The following LDAH variants were observed in gnomAD, a reference collection of about 807,000 sequenced individuals.
The protein encoded by LDAH is lipid droplet-associated hydrolase.
Under a neutral mutation model 29.6 loss-of-function variants are expected in LDAH, and 26 were observed. The observed-to-expected ratio is 0.88, with a 90% confidence interval of 0.64 to 1.22. The LOEUF is 1.22. LDAH is among the 50% of genes most tolerant of loss of function. LDAH has a pLI of 0.00. For missense variants in LDAH, 344 were observed against 387.3 expected, an observed-to-expected ratio of 0.89 and a Z score of 0.94; for synonymous variants, 117 against 133.0, an observed-to-expected ratio of 0.88 and a Z score of 0.83.
At chr2:20,811,548 G>A (rs1672495540) in intron 1 of LDAH, among the ~76,000 whole-genome samples, 1 of 151,394 alleles carries the variant, frequency 6.6e-6, no homozygotes, top group African/African-American at 2.4e-5. Context: ...GCAGTGGCGC[G>A]ATCTCGGCTC....
chr2:20,805,152 A>G (rs1671972408), intron 1 of LDAH, among the ~76,000 whole-genome samples: 1 of 152,202 alleles, frequency 6.6e-6, no homozygotes, highest in Non-Finnish European at 1.5e-5. Context: ...CTTCAAGTAA[A>G]TGACATTGTG....
chr2:20,722,196 T>G (rs1665695694), intron 5 of LDAH, among the ~76,000 whole-genome samples: 1 of 151,894 alleles, frequency 6.6e-6, no homozygotes. Flanking sequence ...GCCAACATGG[T>G]GAAACCGTCT....
At chr2:20,797,278 T>C (rs1330052015) in intron 2 of LDAH, among the ~76,000 whole-genome samples, 1 of 152,232 alleles carries the variant, frequency 6.6e-6, no homozygotes, top group Non-Finnish European at 1.5e-5. Context: ...GAGAAGAGGC[T>C]GGACTAGGCA....
At chr2:20,733,829 G>C (rs1666593676) in intron 5 of LDAH, among the ~76,000 whole-genome samples, 1 of 152,134 alleles carries the variant, frequency 6.6e-6, no homozygotes. Flanking sequence ...GTGAGCTATA[G>C]TTTTATTAAT....
At chr2:20,780,792 C>T (rs574024371) in intron 3 of LDAH, among the ~76,000 whole-genome samples, 4 of 152,234 alleles carry the variant, frequency 2.6e-5, no homozygotes, top group South Asian at 2.1e-4. Context: ...TGGTTTTTTG[C>T]TCTTCTGACC....
chr2:20,817,653 T>C (rs888474935), intron 1 of LDAH, among the ~76,000 whole-genome samples: 5 of 152,118 alleles, frequency 3.3e-5, no homozygotes, highest in Admixed American at 6.6e-5. Flanking sequence ...TTAGCAATTG[T>C]ACTCTTGGGC....
intron 3 of LDAH, chr2:20,789,019 C>A: frequency 9.1e-7 from 1 of 1,095,394 alleles, no homozygotes; most frequent in Non-Finnish European, 1.3e-6. Flanking sequence ...AAGTCCCTCT[C>A]AAACTGGCCC....
At chr2:20,730,274 T>C (rs940135323) in intron 5 of LDAH, among the ~76,000 whole-genome samples, 1 of 152,208 alleles carries the variant, frequency 6.6e-6, no homozygotes, top group Admixed American at 6.5e-5. Flanking sequence ...ACAATAAACA[T>C]TCATATACAG....
chr2:20,700,554 C>T (rs968678903), intron 6 of LDAH, among the ~76,000 whole-genome samples: 6 of 152,028 alleles, frequency 3.9e-5, no homozygotes, highest in East Asian at 1.9e-4. Flanking sequence ...TTGTGGATTG[C>T]TCCTGAGTCC....
chr2:20,700,736 A>G (rs1663869277), intron 6 of LDAH, among the ~76,000 whole-genome samples: 1 of 152,254 alleles, frequency 6.6e-6, no homozygotes, highest in Non-Finnish European at 1.5e-5. Context: ...GGGTGAAATT[A>G]CTTTTAATAA....
intron 3 of LDAH, chr2:20,789,080 T>G: frequency 6.6e-7 from 1 of 1,526,438 alleles, no homozygotes; most frequent in Non-Finnish European, 8.9e-7. Context: ...GTGCTACTCT[T>G]TCTGTCTGTT....
chr2:20,785,014 G>A (rs1670450485), intron 3 of LDAH, among the ~76,000 whole-genome samples: 1 of 152,114 alleles, frequency 6.6e-6, no homozygotes. Context: ...TAACATGATT[G>A]ACATTCATTT....
At chr2:20,683,596 C>T (rs968305128), downstream of LDAH, among the ~76,000 whole-genome samples, 1 of 152,204 alleles carries the variant, frequency 6.6e-6, no homozygotes, top group African/African-American at 2.4e-5. Context: ...TGGGCTGAGG[C>T]CAGAAAGCTG....
intron 1 of LDAH, among the ~76,000 whole-genome samples, chr2:20,819,570 T>C (rs1012377066): frequency 1.3e-5 from 2 of 152,106 alleles, no homozygotes; most frequent in East Asian, 1.9e-4. Flanking sequence ...ATTCAACAGC[T>C]CTTCATGCTA....
intron 3 of LDAH, chr2:20,789,170 A>G: frequency 6.4e-7 from 1 of 1,550,596 alleles, no homozygotes; most frequent in Non-Finnish European, 8.7e-7. Context: ...CTGAATGCTT[A>G]TATGGCCCCC....
Position 20,767,805 on chromosome 2 carries a change from T to TCAGCCAGAG in LDAH, c.468+6996_468+7004dup, listed in dbSNP as rs534327835. 7.0e-4 allele frequency among the ~76,000 whole-genome samples: 106 copies of TCAGCCAGAG among 152,280 alleles called. No individual in the cohort carries two copies. In the East Asian group the frequency reaches 0.018, roughly 26 times the overall value. ...TCTGAGGCCCATAAAAGCCCTGGGC[T>TCAGCCAGAG]CAGCCAGAGCAGAGCAGAGGACAGA... On this transcript the variant is annotated intron_variant, in intron 4 of 6. Transcript: ENST00000237822.
intron 5 of LDAH, among the ~76,000 whole-genome samples, chr2:20,717,065 A>G (rs940188378): frequency 6.6e-6 from 1 of 152,200 alleles, no homozygotes; most frequent in Non-Finnish European, 1.5e-5. Flanking sequence ...AGAAGAAAAG[A>G]CAAACTTGAT....
chr2:20,809,529 C>T (rs1572681468), intron 1 of LDAH, among the ~76,000 whole-genome samples: 1 of 152,204 alleles, frequency 6.6e-6, no homozygotes, highest in Middle Eastern at 3.4e-3. Context: ...TACACACACA[C>T]ATATATACAC....
chr2:20,746,794 A>G (rs1173152105), intron 4 of LDAH, among the ~76,000 whole-genome samples: 1 of 152,142 alleles, frequency 6.6e-6, no homozygotes, highest in East Asian at 1.9e-4. Flanking sequence ...TTACTATCTC[A>G]TTAAAAAAAG....
Sources: gnomAD v4.1 joint callset for allele counts (sites outside exome capture counted in the v4.1 genomes callset) on GRCh38, gnomAD v4.1.1 for gene constraint, MANE v1.5 for transcripts, NCBI Gene and HGNC (gene_info 2026-07-23, HGNC 2026-07-21) for gene names.